The following MYOZ2 variants were observed in gnomAD, a reference collection of about 807,000 sequenced individuals.
MYOZ2 encodes the protein myozenin 2.
Under a neutral mutation model 25.4 loss-of-function variants are expected in MYOZ2, and 19 were observed. The observed-to-expected ratio is 0.75, with a 90% CI of 0.52 to 1.10. MYOZ2 has a LOEUF of 1.10. Ranked by LOEUF, MYOZ2 falls within the 50% of genes least tolerant of loss-of-function variation. The pLI is 0.00. For missense variants in MYOZ2, 270 were observed against 317.9 expected, an observed-to-expected ratio of 0.85 and a Z score of 1.15; for synonymous variants, 92 against 106.9, an observed-to-expected ratio of 0.86 and a Z score of 0.86.
At chr4:119,160,905 T>C (rs1741693558) in intron 4 of MYOZ2, among the ~76,000 whole-genome samples, 1 of 145,488 alleles carries the variant, frequency 6.9e-6, no homozygotes, top group African/African-American at 2.5e-5. Flanking sequence ...CTGAACTATA[T>C]ATTATTCTTA....
chr4:119,153,457 A>G (rs1741501232), intron 3 of MYOZ2, among the ~76,000 whole-genome samples: 1 of 152,164 alleles, frequency 6.6e-6, no homozygotes, highest in Non-Finnish European at 1.5e-5. Flanking sequence ...TGACATTGAA[A>G]GATAAGAGAG....
rs188842027 is a variant in MYOZ2, at chr4:119,138,881, G to A, written c.76+2280G>A. ...CCCATTCTTGTAGGGGAAAGAGATT[G>A]CAGCCGGTGAGTCTTTGAGATAAAT... On this transcript the variant is annotated intron_variant, in intron 2 of 5. Transcript: ENST00000307128. Among the ~76,000 whole-genome samples, 451 of 152,252 alleles carry A rather than the reference G, an allele frequency of 3.0e-3. 1 individual carries two copies. Among genetic ancestry groups the A allele is most frequent in the Admixed American group, 6.0e-3 (92 of 15,266 alleles).
intron 3 of MYOZ2, among the ~76,000 whole-genome samples, chr4:119,157,242 T>C (rs367756347): frequency 4.1e-4 from 62 of 152,296 alleles, no homozygotes; most frequent in African/African-American, 1.3e-3. Context: ...ATTTCCTATA[T>C]GCAATTAAAA....
intron 3 of MYOZ2, among the ~76,000 whole-genome samples, chr4:119,156,883 G>C (rs2149223072): frequency 6.6e-6 from 1 of 152,218 alleles, no homozygotes; most frequent in Non-Finnish European, 1.5e-5. Context: ...CCCTTGGGGA[G>C]GGGCTGTGTG....
At chr4:119,173,426 A>G (rs966104779) in intron 5 of MYOZ2, among the ~76,000 whole-genome samples, 1 of 152,208 alleles carries the variant, frequency 6.6e-6, no homozygotes, top group African/African-American at 2.4e-5. Flanking sequence ...AGGGACCTTA[A>G]AAATCTTATG....
chr4:119,159,599 T>A (rs1741661775), intron 4 of MYOZ2, among the ~76,000 whole-genome samples: 1 of 152,146 alleles, frequency 6.6e-6, no homozygotes, highest in Non-Finnish European at 1.5e-5. Context: ...TGTATAGATT[T>A]CAAAAATTTA....
At chr4:119,159,103 A>G (rs1418395058) in intron 4 of MYOZ2, among the ~76,000 whole-genome samples, 1 of 152,150 alleles carries the variant, frequency 6.6e-6, no homozygotes, top group Non-Finnish European at 1.5e-5. Context: ...TACCCACAAA[A>G]GTCAAAAATA....
chr4:119,171,070 A>G (rs145738443), intron 5 of MYOZ2, among the ~76,000 whole-genome samples: 76 of 152,330 alleles, frequency 5.0e-4, no homozygotes, highest in African/African-American at 1.8e-3. Context: ...ATATTATTTA[A>G]AGGTAAAAGT....
chr4:119,138,215 C>T (rs1022361269), intron 2 of MYOZ2, among the ~76,000 whole-genome samples: 1 of 152,122 alleles, frequency 6.6e-6, no homozygotes, highest in African/African-American at 2.4e-5. Context: ...CTGAAGCCCT[C>T]CCTCCCATGT....
At chr4:119,153,699 T>C (rs760855688) in intron 3 of MYOZ2, among the ~76,000 whole-genome samples, 1 of 152,122 alleles carries the variant, frequency 6.6e-6, no homozygotes, top group Non-Finnish European at 1.5e-5. Context: ...TGGTAATTAA[T>C]GCCATTTGTT....
intron 2 of MYOZ2, among the ~76,000 whole-genome samples, chr4:119,139,448 C>T (rs1057341267): frequency 6.6e-6 from 1 of 152,168 alleles, no homozygotes; most frequent in Non-Finnish European, 1.5e-5. Flanking sequence ...TGATAGTCCC[C>T]ACCCATGAGC....
At chr4:119,178,081 G>A (rs185602514) in intron 5 of MYOZ2, among the ~76,000 whole-genome samples, 38 of 152,292 alleles carry the variant, frequency 2.5e-4, no homozygotes, top group Admixed American at 2.4e-3. Flanking sequence ...ATCCAATGGT[G>A]AATTCTCAGT....
At chr4:119,144,859 A>G (rs1414547836) in intron 2 of MYOZ2, among the ~76,000 whole-genome samples, 1 of 152,154 alleles carries the variant, frequency 6.6e-6, no homozygotes, top group African/African-American at 2.4e-5. Context: ...TCAAGGTTAC[A>G]TGTTTTGAAA....
chr4:119,172,074 T>C (rs950750255), intron 5 of MYOZ2, among the ~76,000 whole-genome samples: 1 of 152,200 alleles, frequency 6.6e-6, no homozygotes, highest in African/African-American at 2.4e-5. Flanking sequence ...AATTTCAAAA[T>C]GGCCCAGAGT....
At chr4:119,174,003 G>T (rs914303384) in intron 5 of MYOZ2, among the ~76,000 whole-genome samples, 1 of 152,186 alleles carries the variant, frequency 6.6e-6, no homozygotes, top group Admixed American at 6.5e-5. Context: ...ATTTCTCACC[G>T]GGCCTTAGCT....
At chr4:119,142,548 G>A (rs898284759) in intron 2 of MYOZ2, among the ~76,000 whole-genome samples, 1 of 152,078 alleles carries the variant, frequency 6.6e-6, no homozygotes, top group East Asian at 1.9e-4. Context: ...AGCAACTCCC[G>A]GGAAATTGTT....
At chr4:119,143,416 G>C (rs1319153299) in intron 2 of MYOZ2, among the ~76,000 whole-genome samples, 1 of 152,048 alleles carries the variant, frequency 6.6e-6, no homozygotes, top group African/African-American at 2.4e-5. Context: ...GGCTGGTCTC[G>C]AACTCCTGAC....
chr4:119,179,471 C>T (rs1468133719), intron 5 of MYOZ2, among the ~76,000 whole-genome samples: 3 of 152,160 alleles, frequency 2.0e-5, no homozygotes, highest in Non-Finnish European at 4.4e-5. Flanking sequence ...CTCATCTACT[C>T]ATTCTCCTTT....
rs145134801 is a variant in MYOZ2 at position 119,175,862 on chromosome 4, C to G, written c.561-10104C>G. Reference sequence around the variant, plus strand: ...TGTTTGGTTTGATCCTCTGCTGTTTCTTTCTTCAAATTCCTAATAATTTCT... The same window carrying G: ...TGTTTGGTTTGATCCTCTGCTGTTTGTTTCTTCAAATTCCTAATAATTTCT... On this transcript the variant is annotated intron_variant, in intron 5 of 5. Transcript: ENST00000307128. Among the ~76,000 whole-genome samples the G allele has an allele frequency of 5.5e-3, 840 of 152,082 alleles. 4 individuals are homozygous for G. The highest frequency in any genetic ancestry group is 9.6e-3 in the Non-Finnish European group (651 of 67,978).
Sources: allele counts gnomAD v4.1 joint callset (sites outside exome capture counted in the v4.1 genomes callset), GRCh38; gene constraint gnomAD v4.1.1; transcripts MANE v1.5; gene names NCBI Gene and HGNC (gene_info 2026-07-23, HGNC 2026-07-21).